HAPLN1: variants seen among roughly 807,000 people sequenced by gnomAD.
HAPLN1 encodes the protein hyaluronan and proteoglycan link protein 1.
HAPLN1 carries 13 observed loss-of-function variants against 36.5 expected under a neutral mutation model. That is an observed-to-expected ratio of 0.36 (90% confidence interval 0.23 to 0.57). The LOEUF (loss-of-function observed/expected upper bound fraction) is 0.57. Among genes scored for constraint, HAPLN1 ranks in the 20% least tolerant of loss-of-function variants. The pLI is 0.83. For synonymous variants in HAPLN1, 202 were observed against 169.8 expected (o/e 1.19, Z -1.48); for missense variants, 407 against 439.7 (o/e 0.93, Z 0.66).
intron 1 of HAPLN1, among the ~76,000 whole-genome samples, chr5:83,708,664 A>G (rs1227387953): frequency 6.6e-6 from 1 of 152,100 alleles, no homozygotes; most frequent in Non-Finnish European, 1.5e-5. Context: ...CCCCCATGAC[A>G]CCAGTACCTA....
At chr5:83,694,446 A>T (rs1274195041) in intron 1 of HAPLN1, among the ~76,000 whole-genome samples, 1 of 152,006 alleles carries the variant, frequency 6.6e-6, no homozygotes, top group African/African-American at 2.4e-5. Context: ...TCAGAGTAAA[A>T]TAAGTAAAAA....
chr5:83,652,713 C>G lies in HAPLN1; in HGVS notation c.212G>C (p.Gly71Ala). ...CKFYRDPTAFGSGIHKIRIKW... is the reference protein window; with the variant it reads ...CKFYRDPTAFASGIHKIRIKW... ...AATTCGGATTTTATGGATTCCTGAG[C>G]CAAATGCTGTAGGGTCTCGATAAAA... is the stretch of plus-strand genomic sequence containing the variant. The change falls in exon 3 of 5, where the codon GGC becomes GCC. Residue 71 changes from glycine to alanine, a missense_variant. Transcript: ENST00000274341. 6.2e-7 allele frequency: 1 copy of G among 1,614,064 alleles called. No individual in the cohort carries two copies. Among genetic ancestry groups the G allele is most frequent in the African/African-American group, 1.3e-5 (1 of 75,004 alleles).
chr5:83,655,055 T>G lies in HAPLN1; in HGVS notation c.101-2231A>C, dbSNP rs73133819. Among the ~76,000 whole-genome samples the G allele has an allele frequency of 2.8e-3, 428 of 152,288 alleles. 3 individuals are homozygous for G. Among genetic ancestry groups the G allele is most frequent in the African/African-American group, 0.01 (420 of 41,556 alleles). The stretch of plus-strand genomic sequence containing the variant: ...GATACTGCCCAATATAGAGCATAAT[T>G]TTGTCATATATTAGTCTTCCATAAT... On this transcript the variant is annotated intron_variant, in intron 2 of 4. Transcript: ENST00000274341.
At chr5:83,702,910 C>T (rs1310782308) in intron 1 of HAPLN1, among the ~76,000 whole-genome samples, 1 of 152,102 alleles carries the variant, frequency 6.6e-6, no homozygotes, top group Non-Finnish European at 1.5e-5. Flanking sequence ...TGGGGTTTTG[C>T]CATGTTGGCC....
intron 2 of HAPLN1, among the ~76,000 whole-genome samples, chr5:83,661,635 G>C (rs1750394936): frequency 6.6e-6 from 1 of 151,682 alleles, no homozygotes; most frequent in Admixed American, 6.6e-5. Flanking sequence ...TAGTAGAGAC[G>C]GGGTTTCACC....
chr5:83,680,051 G>A lies in HAPLN1; in HGVS notation c.-26-6502C>T, dbSNP rs936831926. ...GCAATTCAATTTACTTACTGTTTTT[G>A]GCTGTTGCTCTTTGCTAGCTCTCTC... is the stretch of plus-strand genomic sequence containing the variant. On this transcript the variant is annotated intron_variant, in intron 1 of 4. Transcript: ENST00000274341. Among the ~76,000 whole-genome samples, 21 of 152,090 alleles carry A rather than the reference G, an allele frequency of 1.4e-4. No homozygotes were observed. The East Asian group carries it at 3.3e-3, about 24-fold the overall frequency.
At chr5:83,663,354 AG>A (rs111313329) in intron 2 of HAPLN1, among the ~76,000 whole-genome samples, 1 of 152,236 alleles carries the variant, frequency 6.6e-6, no homozygotes. Context: ...TCAGTGATCA[AG>A]GTTCAGACTC....
chr5:83,719,002 A>G (rs1008860850), intron 1 of HAPLN1, among the ~76,000 whole-genome samples: 21 of 152,192 alleles, frequency 1.4e-4, no homozygotes, highest in Admixed American at 6.5e-5. Flanking sequence ...TGTTTAGTAG[A>G]CCGTTTACTC....
chr5:83,645,471 C>CTTTTTTTTTTTTTTTT (rs1423821503), intron 3 of HAPLN1, among the ~76,000 whole-genome samples: 3 of 20,318 alleles, frequency 1.5e-4, no homozygotes, highest in African/African-American at 2.8e-4. Context: ...TTTTCTTTTT[C>CTTTTTTTTTTTTTTTT]TTTCTTTTTT....
chr5:83,712,882 G>C (rs1227820479), intron 1 of HAPLN1, among the ~76,000 whole-genome samples: 1 of 93,194 alleles, frequency 1.1e-5, no homozygotes, highest in East Asian at 3.6e-4. Flanking sequence ...GGAGAACCTG[G>C]ACAAAAAAAA....
At chr5:83,673,375 GT>G in intron 2 of HAPLN1, 48 bp downstream of exon 2, 1 of 1,297,570 alleles carries the variant, frequency 7.7e-7, no homozygotes, top group Non-Finnish European at 1.1e-6. Flanking sequence ...TCAACTCTAA[GT>G]AACTTAAAAT....
chr5:83,656,303 G>A (rs1166744069), intron 2 of HAPLN1, among the ~76,000 whole-genome samples: 3 of 141,868 alleles, frequency 2.1e-5, no homozygotes, highest in African/African-American at 8.1e-5. Flanking sequence ...ACCCCAGCCT[G>A]GGCAACACAG....
At chr5:83,702,792 C>T (rs1359845466) in intron 1 of HAPLN1, among the ~76,000 whole-genome samples, 1 of 151,256 alleles carries the variant, frequency 6.6e-6, no homozygotes, top group Non-Finnish European at 1.5e-5. Context: ...GGCTGGAGTG[C>T]AGCGGAGCAA....
intron 3 of HAPLN1, among the ~76,000 whole-genome samples, chr5:83,650,979 C>T (rs1750045332): frequency 6.6e-6 from 1 of 151,998 alleles, no homozygotes; most frequent in Non-Finnish European, 1.5e-5. Context: ...TAGGTTGAAG[C>T]TCCTTTAAAA....
At chr5:83,645,085 T>C (rs901001619) in intron 3 of HAPLN1, among the ~76,000 whole-genome samples, 1 of 152,124 alleles carries the variant, frequency 6.6e-6, no homozygotes, top group Non-Finnish European at 1.5e-5. Context: ...GTGGCAAATA[T>C]AGAAATAGTC....
Position 83,637,942 on chromosome 5 carries a change from C to T in HAPLN1, c.*3554G>A, listed in dbSNP as rs1233837872. On this transcript the variant is annotated 3_prime_UTR_variant, in exon 5 of 5. Transcript: ENST00000274341. ...GGGCAAAATTAATTATGCTTTGAGTCATATACAAAGAGAAAAAAGTCAATA... is the reference window on the plus strand; with the variant it reads ...GGGCAAAATTAATTATGCTTTGAGTTATATACAAAGAGAAAAAAGTCAATA... The T allele has an allele frequency of 2.0e-5, 3 of 150,904 alleles. No homozygotes were observed. Among genetic ancestry groups the T allele is most frequent in the Non-Finnish European group, 4.4e-5 (3 of 67,754 alleles). 9.3% of individuals were successfully genotyped at this position (150,904 alleles called of 1,614,324 possible). A position where few individuals can be genotyped will look rare whatever the true frequency, so the allele number is the denominator to read the frequency against.
At chr5:83,687,136 C>G (rs1204804717) in intron 1 of HAPLN1, among the ~76,000 whole-genome samples, 1 of 152,090 alleles carries the variant, frequency 6.6e-6, no homozygotes, top group South Asian at 2.1e-4. Context: ...TCAAAATCCA[C>G]AGGAAATCAG....
At chr5:83,715,370 C>G (rs185295935) in intron 1 of HAPLN1, among the ~76,000 whole-genome samples, 2 of 151,912 alleles carry the variant, frequency 1.3e-5, no homozygotes, top group African/African-American at 4.8e-5. Context: ...GCAGGAGTCT[C>G]GGTTTATGAG....
At chr5:83,645,695 A>C (rs1463977926) in intron 3 of HAPLN1, among the ~76,000 whole-genome samples, 1 of 151,782 alleles carries the variant, frequency 6.6e-6, no homozygotes, top group Admixed American at 6.6e-5. Context: ...CATAGAAAGC[A>C]TCATGGTACT....
Sources: gnomAD v4.1 joint callset for allele counts (sites outside exome capture counted in the v4.1 genomes callset) on GRCh38, gnomAD v4.1.1 for gene constraint, MANE v1.5 for transcripts, NCBI Gene and HGNC (gene_info 2026-07-23, HGNC 2026-07-21) for gene names.